The following CFAP77 variants were observed in gnomAD, a reference collection of about 807,000 sequenced individuals.
CFAP77 encodes cilia and flagella associated protein 77, also known as cilia- and flagella-associated protein 77.
A neutral mutation model predicts 31.1 loss-of-function variants in CFAP77; 25 were observed. The observed-to-expected ratio is 0.80, with a 90% confidence interval of 0.59 to 1.12. CFAP77 has a LOEUF of 1.12. Ranked by LOEUF, CFAP77 falls within the 50% of genes most tolerant of loss-of-function variation. The pLI is 0.00. For missense variants in CFAP77, 377 were observed against 397.3 expected (o/e 0.95, Z 0.44); for synonymous variants, 151 against 159.9 (o/e 0.94, Z 0.42).
At position 132,572,614 on chromosome 9, in the gene CFAP77, G is replaced by T. The variant is rs143511453; in HGVS notation, c.*104G>T. On this transcript the variant is annotated 3_prime_UTR_variant, in exon 6 of 6. Transcript: ENST00000393216. ...CTGACATTCCCCCATTTTTATGCAG[G>T]TTCTGCTTCAAGGAGCTCAGATTCA... 3 of 1,207,492 alleles carry T rather than the reference G, an allele frequency of 2.5e-6. No homozygotes were observed. The highest frequency in any genetic ancestry group is 3.0e-5 in the South Asian group (2 of 66,718). 74.8% of individuals were successfully genotyped at this position (1,207,492 alleles called of 1,614,324 possible).
chr9:132,517,940 AT>A lies in CFAP77; in HGVS notation c.524+18343del, dbSNP rs1449395617. Among the ~76,000 whole-genome samples, 3 of 152,140 alleles carry A rather than the reference AT, an allele frequency of 2.0e-5. No individual in the cohort carries two copies. Among genetic ancestry groups the A allele is most frequent in the Non-Finnish European group, 4.4e-5 (3 of 68,030 alleles). On this transcript the variant is annotated intron_variant, in intron 3 of 5. Coordinates refer to ENST00000393216, the MANE Select transcript of CFAP77 (RefSeq NM_001282957.2). This position sits in a 1 kb window ranked among gnomAD's most constrained non-coding sequence, Gnocchi z 4.7. ...GGAGGCCTATCCCAAGTAGGAGCTG[AT>A]TTCATTTCATTCCCCCTTTTTCGCT...
intron 1 of CFAP77, among the ~76,000 whole-genome samples, chr9:132,435,864 C>T (rs980292046): frequency 1.3e-5 from 2 of 152,156 alleles, no homozygotes; most frequent in African/African-American, 4.8e-5. Flanking sequence ...ACCCACTGTA[C>T]ACTGGACCAG....
chr9:132,556,043 C>T (rs1332710279), intron 5 of CFAP77, among the ~76,000 whole-genome samples: 3 of 152,070 alleles, frequency 2.0e-5, no homozygotes, highest in Non-Finnish European at 2.9e-5. Flanking sequence ...GTGGGAGAAC[C>T]CACCAGGAGT....
chr9:132,463,648 A>C (rs1851100437), intron 1 of CFAP77, among the ~76,000 whole-genome samples: 1 of 152,004 alleles, frequency 6.6e-6, no homozygotes, highest in African/African-American at 2.4e-5. Flanking sequence ...GCTAAGGGGG[A>C]GGGGATGCTG....
intron 1 of CFAP77, chr9:132,482,371 A>C: frequency 6.2e-7 from 1 of 1,614,030 alleles, no homozygotes; most frequent in Non-Finnish European, 8.5e-7. Context: ...GCGGTGCAGA[A>C]AGTTATTCCT....
intron 3 of CFAP77, among the ~76,000 whole-genome samples, chr9:132,524,808 C>G (rs988329217): frequency 1.3e-5 from 2 of 148,640 alleles, no homozygotes; most frequent in African/African-American, 4.9e-5. Context: ...GCCACCACGC[C>G]CAGCTAATTT....
At chr9:132,571,654 C>T (rs529768466) in intron 5 of CFAP77, among the ~76,000 whole-genome samples, 4 of 152,188 alleles carry the variant, frequency 2.6e-5, no homozygotes, top group Admixed American at 1.3e-4. Flanking sequence ...CACCCTGTGC[C>T]GCCCTTAGGT....
chr9:132,551,504 C>A (rs1398220043), intron 5 of CFAP77, among the ~76,000 whole-genome samples: 1 of 152,050 alleles, frequency 6.6e-6, no homozygotes, highest in Non-Finnish European at 1.5e-5. Flanking sequence ...CCATGTTGGC[C>A]AGGCTGGTCT....
rs151243041 is a variant in CFAP77, at chr9:132,455,686, G to A, written c.196-43009G>A. On this transcript the variant is annotated intron_variant, in intron 1 of 5. Transcript: ENST00000393216. The surrounding 1 kb of genome is among the most constrained non-coding windows in gnomAD (Gnocchi z 4.1). ...GCGGAGGTTGTAGTGAGTTGAGATC[G>A]CACTACTGCACTCTGGCCTGGGTGA... Among the ~76,000 whole-genome samples the A allele has an allele frequency of 1.6e-4, 25 of 152,176 alleles. No homozygotes were observed. Among genetic ancestry groups the A allele is most frequent in the African/African-American group, 4.8e-4 (20 of 41,514 alleles).
At chr9:132,570,931 C>T (rs1236662098) in intron 5 of CFAP77, among the ~76,000 whole-genome samples, 1 of 152,150 alleles carries the variant, frequency 6.6e-6, no homozygotes, top group East Asian at 1.9e-4. Context: ...TCTGTTCCCT[C>T]GTCTGTGAAA....
At chr9:132,500,840 A>G (rs1851829451) in intron 3 of CFAP77, among the ~76,000 whole-genome samples, 1 of 152,230 alleles carries the variant, frequency 6.6e-6, no homozygotes, top group Non-Finnish European at 1.5e-5. Flanking sequence ...CCTAGTGCTA[A>G]TGAGGGCCCA....
chr9:132,449,435 GT>G (rs35118700), intron 1 of CFAP77, among the ~76,000 whole-genome samples: 43,751 of 145,218 alleles, frequency 0.3, 6,395 homozygotes, highest in Admixed American at 0.38. Flanking sequence ...GAGTACACAG[GT>G]TTTTTTTTTT....
chr9:132,509,244 G>A (rs751619108), intron 3 of CFAP77, among the ~76,000 whole-genome samples: 11 of 152,218 alleles, frequency 7.2e-5, no homozygotes, highest in African/African-American at 1.9e-4. Context: ...CACAGGTGGC[G>A]AATGGAGGTG....
In CFAP77 at chr9:132,511,236, C is replaced by G. The variant is rs1205425491; in HGVS notation, c.524+11636C>G. On this transcript the variant is annotated intron_variant, in intron 3 of 5. Transcript: ENST00000393216. The surrounding 1 kb of genome is among the most constrained non-coding windows in gnomAD (Gnocchi z 5.8). ...GGTCTGCTGAGACTTGACTCTGACTCCCCCAAGCTAAACCTCCTTCAGTCC... is the reference window on the plus strand; with the variant it reads ...GGTCTGCTGAGACTTGACTCTGACTGCCCCAAGCTAAACCTCCTTCAGTCC... Among the ~76,000 whole-genome samples, 2 of 152,154 alleles carry G rather than the reference C, an allele frequency of 1.3e-5. No homozygotes were observed. The highest frequency in any genetic ancestry group is 6.5e-5 in the Admixed American group (1 of 15,280).
At chr9:132,531,629 G>GT (rs980776606) in intron 3 of CFAP77, among the ~76,000 whole-genome samples, 2 of 148,960 alleles carry the variant, frequency 1.3e-5, no homozygotes, top group Admixed American at 6.6e-5. Flanking sequence ...AAGACATGGG[G>GT]GGGGGGGCAT....
chr9:132,516,748 T>C (rs1038476029), intron 3 of CFAP77, among the ~76,000 whole-genome samples: 3 of 152,156 alleles, frequency 2.0e-5, no homozygotes, highest in Admixed American at 6.5e-5. Context: ...GTGGGATCTC[T>C]CTGCATCATT....
chr9:132,464,666 G>A (rs1223934164), intron 1 of CFAP77, among the ~76,000 whole-genome samples: 1 of 152,166 alleles, frequency 6.6e-6, no homozygotes, highest in Non-Finnish European at 1.5e-5. Flanking sequence ...GAAGCCTGGA[G>A]TGTACTTTAC....
At position 132,498,934 on chromosome 9, in the gene CFAP77, C is replaced by G; in HGVS notation, c.295+140C>G. On this transcript the variant is annotated intron_variant, in intron 2 of 5. Coordinates refer to ENST00000393216, the MANE Select transcript of CFAP77 (RefSeq NM_001282957.2). This position sits in a 1 kb window ranked among gnomAD's most constrained non-coding sequence, Gnocchi z 4.2. Reference sequence around the variant, plus strand: ...ACCCAGGGACCGCCAGCCTGGGCAGCTGACTGGTAAAACCCAGGAAGTGGC... The same window carrying G: ...ACCCAGGGACCGCCAGCCTGGGCAGGTGACTGGTAAAACCCAGGAAGTGGC... 1.5e-6 allele frequency: 1 copy of G among 654,320 alleles called. No homozygotes were observed. The allele number at this position is 654,320 out of a possible 1,614,324, so 40.5% of individuals were successfully genotyped here. A position where few individuals can be genotyped will look rare whatever the true frequency, so the allele number is the denominator to read the frequency against.
intron 3 of CFAP77, among the ~76,000 whole-genome samples, chr9:132,524,861 G>A (rs1344824025): frequency 1.4e-5 from 2 of 147,826 alleles, no homozygotes; most frequent in Non-Finnish European, 3.0e-5. Context: ...TGTTAGCTAC[G>A]ATGGTCTCGA....
Sources: allele counts gnomAD v4.1 joint callset (sites outside exome capture counted in the v4.1 genomes callset), GRCh38; gene constraint gnomAD v4.1.1; non-coding constraint Gnocchi (gnomAD v3.1); transcripts MANE v1.5; gene names NCBI Gene and HGNC (gene_info 2026-07-23, HGNC 2026-07-21).